TNR: variants seen among roughly 807,000 people sequenced by gnomAD.
The protein encoded by TNR is tenascin R.
Under a neutral mutation model 150.4 loss-of-function variants are expected in TNR, and 45 were observed. The ratio of observed to expected loss-of-function variants is 0.30; its 90% CI spans 0.24 to 0.38. The LOEUF is 0.38. Ranked by LOEUF, TNR falls within the 10% of genes least tolerant of loss-of-function variation. The pLI, the probability that TNR is intolerant of heterozygous loss-of-function variation, is 1.00. For missense variants in TNR, 1,544 were observed against 1,759.1 expected (o/e 0.88, Z 2.19); for synonymous variants, 687 against 678.4 (o/e 1.01, Z -0.20).
intron 1 of TNR, among the ~76,000 whole-genome samples, chr1:175,663,630 T>G (rs751432775): frequency 6.6e-6 from 1 of 152,006 alleles, no homozygotes; most frequent in Non-Finnish European, 1.5e-5. Context: ...TATGATATAG[T>G]GACTAAAAGG....
chr1:175,360,366 T>C (rs1293479761), intron 14 of TNR, among the ~76,000 whole-genome samples: 1 of 152,210 alleles, frequency 6.6e-6, no homozygotes, highest in Non-Finnish European at 1.5e-5. Context: ...GACTGAGTCC[T>C]TGGTATTCTT....
rs983433203 is a variant in TNR, at chr1:175,605,719, G to A, written c.-164-77350C>T. Among the ~76,000 whole-genome samples the A allele has an allele frequency of 7.2e-5, 11 of 152,008 alleles. No homozygotes were observed. In the East Asian group the frequency reaches 2.1e-3, roughly 29 times the overall value. On this transcript the variant is annotated intron_variant, in intron 1 of 22. Transcript: ENST00000367674. ...CTTCCTTCTTTTTAAAGATTATCTG[G>A]CCAATTGATTTTTTTTTCCTTATGC...
At chr1:175,420,477 AG>A (rs1440065100) in intron 2 of TNR, among the ~76,000 whole-genome samples, 1 of 152,252 alleles carries the variant, frequency 6.6e-6, no homozygotes, top group Non-Finnish European at 1.5e-5. Flanking sequence ...TTTTAACAAC[AG>A]CCTTCAACTA....
In TNR at chr1:175,412,651, C is replaced by T. The variant is rs919782713; in HGVS notation, c.-63-5874G>A. Among the ~76,000 whole-genome samples the T allele has an allele frequency of 5.3e-5, 8 of 151,994 alleles. No individual in the cohort carries two copies. The East Asian group carries it at 5.8e-4, about 11-fold the overall frequency. On this transcript the variant is annotated intron_variant, in intron 2 of 22. Coordinates refer to ENST00000367674, the MANE Select transcript of TNR (RefSeq NM_003285.3). ...TTCTCTGAGATCCCCCAATGTGTCC[C>T]GCACTCCAGCTCCACCCAAGGGATG...
intron 1 of TNR, among the ~76,000 whole-genome samples, chr1:175,596,607 T>C (rs1322339396): frequency 6.6e-6 from 1 of 152,168 alleles, no homozygotes; most frequent in Non-Finnish European, 1.5e-5. Flanking sequence ...GGAAAAAAAA[T>C]CATTGAAATA....
At chr1:175,454,225 A>C (rs1015504522) in intron 2 of TNR, among the ~76,000 whole-genome samples, 7 of 152,172 alleles carry the variant, frequency 4.6e-5, no homozygotes, top group Non-Finnish European at 1.0e-4. Context: ...CAGTGTGTGA[A>C]ATTCCCATTG....
rs1477053064 is a variant in TNR at position 175,629,827 on chromosome 1, G to A, written c.-164-101458C>T. The stretch of plus-strand genomic sequence containing the variant: ...TTTATCCTTGGATTGTTCTTAAAGA[G>A]CTAGAATGGGACAGACACAATCATT... On this transcript the variant is annotated intron_variant, in intron 1 of 22. Transcript: ENST00000367674. Among the ~76,000 whole-genome samples the A allele has an allele frequency of 2.0e-5, 3 of 152,330 alleles. No individual in the cohort carries two copies. In the East Asian group the frequency reaches 5.8e-4, roughly 29 times the overall value.
chr1:175,427,799 C>G (rs531194395), intron 2 of TNR, among the ~76,000 whole-genome samples: 1 of 145,254 alleles, frequency 6.9e-6, no homozygotes, highest in Admixed American at 6.9e-5. Context: ...TTCCTTCCTT[C>G]CTTCCTCCCT....
chr1:175,593,415 A>T (rs545958267), intron 1 of TNR, among the ~76,000 whole-genome samples: 1 of 149,820 alleles, frequency 6.7e-6, no homozygotes, highest in South Asian at 2.1e-4. Flanking sequence ...CCAAGCCAAC[A>T]GTTTGCAGCT....
intron 1 of TNR, among the ~76,000 whole-genome samples, chr1:175,594,179 G>T (rs115543567): frequency 0.015 from 2,280 of 152,190 alleles, 54 homozygotes; most frequent in African/African-American, 0.051. Context: ...ATTTTCCAGG[G>T]TCTTCCTGAT....
intron 2 of TNR, among the ~76,000 whole-genome samples, chr1:175,502,941 G>C (rs1032633613): frequency 1.3e-5 from 2 of 152,278 alleles, no homozygotes; most frequent in East Asian, 3.9e-4. Context: ...TTTTAAAGGG[G>C]TGCTACAATT....
chr1:175,373,231 T>C (rs1320197530), intron 9 of TNR, among the ~76,000 whole-genome samples: 1 of 152,160 alleles, frequency 6.6e-6, no homozygotes, highest in East Asian at 1.9e-4. Context: ...CAAAGGCAGC[T>C]CTGGCAAAAT....
chr1:175,716,086 C>T (rs1558088179), intron 1 of TNR, among the ~76,000 whole-genome samples: 1 of 152,212 alleles, frequency 6.6e-6, no homozygotes, highest in Non-Finnish European at 1.5e-5. Flanking sequence ...AACAATTCTC[C>T]ATTTAGGAAT....
chr1:175,706,772 A>G (rs1666852558), intron 1 of TNR, among the ~76,000 whole-genome samples: 1 of 152,090 alleles, frequency 6.6e-6, no homozygotes, highest in Non-Finnish European at 1.5e-5. Flanking sequence ...CTACATAAAC[A>G]GCCCTTCAAA....
intron 7 of TNR, among the ~76,000 whole-genome samples, chr1:175,389,253 C>T (rs569456825): frequency 6.6e-6 from 1 of 152,324 alleles, no homozygotes; most frequent in Admixed American, 6.5e-5. Context: ...CCTCCCATCT[C>T]CTGACCCTTC....
At chr1:175,452,698 G>A (rs1656380702) in intron 2 of TNR, among the ~76,000 whole-genome samples, 2 of 152,224 alleles carry the variant, frequency 1.3e-5, no homozygotes, top group African/African-American at 2.4e-5. Context: ...AGAACTGTAA[G>A]GGAGTAAAGA....
At chr1:175,323,822 T>C (rs1649201590) in intron 22 of TNR, among the ~76,000 whole-genome samples, 1 of 152,188 alleles carries the variant, frequency 6.6e-6, no homozygotes, top group South Asian at 2.1e-4. Context: ...GTTTGACTGC[T>C]CACTCCTAAT....
chr1:175,515,845 G>A (rs1170957837), intron 2 of TNR, among the ~76,000 whole-genome samples: 1 of 152,150 alleles, frequency 6.6e-6, no homozygotes, highest in Non-Finnish European at 1.5e-5. Context: ...CTCACCTTAG[G>A]ACTAAACTAA....
chr1:175,625,955 G>C (rs56356398), intron 1 of TNR, among the ~76,000 whole-genome samples: 6,577 of 139,940 alleles, frequency 0.047, 151 homozygotes, highest in African/African-American at 0.065. Flanking sequence ...CCCAAGTGTT[G>C]TGGGAGGGAC....
Sources: allele counts gnomAD v4.1 joint callset (sites outside exome capture counted in the v4.1 genomes callset), GRCh38; gene constraint gnomAD v4.1.1; transcripts MANE v1.5; gene names NCBI Gene and HGNC (gene_info 2026-07-23, HGNC 2026-07-21).